Variants in SLC5A1 observed in about 807,000 individuals in gnomAD.
SLC5A1 encodes the protein sodium/glucose cotransporter 1.
A neutral mutation model predicts 73.5 loss-of-function variants in SLC5A1; 42 were observed. The observed-to-expected ratio is 0.57, with a 90% CI of 0.45 to 0.74. The LOEUF is 0.74. SLC5A1 is among the 30% of genes least tolerant of loss of function. The pLI is 0.00. For synonymous variants in SLC5A1, 300 were observed against 317.4 expected (o/e 0.95, Z 0.58); for missense variants, 634 against 855.4 (o/e 0.74, Z 3.23).
In SLC5A1 at chr22:32,091,714, C is replaced by T. The variant is rs751571109; in HGVS notation, c.1232C>T (p.Ala411Val). 1.4e-5 allele frequency: 22 copies of T among 1,613,956 alleles called. No individual in the cohort carries two copies. The highest frequency in any genetic ancestry group is 1.9e-5 in the Non-Finnish European group (22 of 1,179,990). Residue 411 changes from alanine (A) to valine (V), a missense_variant, in exon 11 of 15, where the codon GCC (alanine) becomes GTC (valine). Coordinates refer to ENST00000266088, the MANE Select transcript of SLC5A1 (RefSeq NM_000343.4). ...ACCCTCTTCACCATGGACATCTACGCCAAGGTCCGCAAGAGAGCATCTGAG... is the reference window on the plus strand; with the variant it reads ...ACCCTCTTCACCATGGACATCTACGTCAAGGTCCGCAAGAGAGCATCTGAG... ...ASTLFTMDIY[A>V]KVRKRASEKE...
At chr22:32,060,161 AC>A (rs1470621545) in intron 2 of SLC5A1, among the ~76,000 whole-genome samples, 1 of 133,718 alleles carries the variant, frequency 7.5e-6, no homozygotes, top group East Asian at 2.0e-4. Context: ...ACACACACAC[AC>A]ACACACACAC....
chr22:32,057,735 A>G (rs1008404392), intron 2 of SLC5A1, among the ~76,000 whole-genome samples: 2 of 152,218 alleles, frequency 1.3e-5, no homozygotes, highest in African/African-American at 4.8e-5. Context: ...AGCTGTAATC[A>G]TTTCCAAGGT....
intron 1 of SLC5A1, among the ~76,000 whole-genome samples, chr22:32,049,191 ATATCTATATC>A (rs1268402294): frequency 9.8e-5 from 4 of 40,898 alleles, no homozygotes; most frequent in Non-Finnish European, 4.2e-4. Context: ...ATCTATATCT[ATATCTATATC>A]TATATCTATA....
intron 5 of SLC5A1, among the ~76,000 whole-genome samples, chr22:32,075,070 C>CTTTT (rs1045791303): frequency 5.6e-5 from 6 of 107,670 alleles, no homozygotes; most frequent in African/African-American, 1.0e-4. Flanking sequence ...CTATTTTTTA[C>CTTTT]TTTTTTTTTT....
At chr22:32,063,354 A>G (rs2093966765) in intron 2 of SLC5A1, among the ~76,000 whole-genome samples, 1 of 152,232 alleles carries the variant, frequency 6.6e-6, no homozygotes, top group South Asian at 2.1e-4. Flanking sequence ...TGTGTCAGTC[A>G]CAACTGGTTC....
At chr22:32,108,014 C>T (rs905517373) in intron 14 of SLC5A1, among the ~76,000 whole-genome samples, 1 of 152,146 alleles carries the variant, frequency 6.6e-6, no homozygotes, top group Non-Finnish European at 1.5e-5. Context: ...ATGCATCATC[C>T]TCTTAAGGCA....
At chr22:32,053,127 C>T (rs1040608290) in intron 2 of SLC5A1, among the ~76,000 whole-genome samples, 10 of 152,186 alleles carry the variant, frequency 6.6e-5, no homozygotes, top group African/African-American at 2.4e-4. Context: ...TGTTTCCTCA[C>T]TCTCAGGCCA....
chr22:32,063,346 T>TGTCA (rs1283876570), intron 2 of SLC5A1, among the ~76,000 whole-genome samples: 3 of 152,296 alleles, frequency 2.0e-5, no homozygotes, highest in Admixed American at 2.0e-4. Flanking sequence ...GAATCAGCTG[T>TGTCA]GTCAGTCACA....
intron 5 of SLC5A1, among the ~76,000 whole-genome samples, chr22:32,075,177 G>T (rs2093988959): frequency 6.7e-6 from 1 of 149,892 alleles, no homozygotes; most frequent in East Asian, 2.0e-4. Flanking sequence ...CTCCCAAAGT[G>T]CTGGGATTAC....
chr22:32,066,858 TC>T, intron 2 of SLC5A1, 76 bp from the exon 3 acceptor site: 1 of 982,212 alleles, frequency 1.0e-6, no homozygotes, highest in South Asian at 1.3e-5. Flanking sequence ...GGCTGACATG[TC>T]TCCTCTCTCT....
At chr22:32,103,469 TAGTC>T (rs941565584) in intron 13 of SLC5A1, among the ~76,000 whole-genome samples, 1 of 152,238 alleles carries the variant, frequency 6.6e-6, no homozygotes, top group Non-Finnish European at 1.5e-5. Context: ...CCCATGTCTT[TAGTC>T]AGAGTCCTCA....
chr22:32,098,135 G>A (rs1394796139), intron 11 of SLC5A1, among the ~76,000 whole-genome samples: 1 of 152,186 alleles, frequency 6.6e-6, no homozygotes, highest in African/African-American at 2.4e-5. Flanking sequence ...AAATCAGTCA[G>A]GCAGTTTCTC....
At chr22:32,089,575 T>A (rs959216663) in intron 10 of SLC5A1, among the ~76,000 whole-genome samples, 4 of 152,178 alleles carry the variant, frequency 2.6e-5, no homozygotes, top group African/African-American at 9.7e-5. Flanking sequence ...TTTGAATATA[T>A]GAAAGATGGC....
chr22:32,057,072 G>T (rs1476213421), intron 2 of SLC5A1, among the ~76,000 whole-genome samples: 1 of 152,192 alleles, frequency 6.6e-6, no homozygotes, highest in Non-Finnish European at 1.5e-5. Context: ...CTGCCTCAAG[G>T]TCACATAGTT....
intron 14 of SLC5A1, among the ~76,000 whole-genome samples, chr22:32,105,741 C>A: frequency 6.6e-6 from 1 of 152,196 alleles, no homozygotes; most frequent in East Asian, 1.9e-4. Context: ...CCCCACTACC[C>A]TTCCCAGCCT....
intron 11 of SLC5A1, among the ~76,000 whole-genome samples, chr22:32,096,791 G>C (rs1287444501): frequency 2.0e-5 from 3 of 152,160 alleles, no homozygotes; most frequent in Non-Finnish European, 2.9e-5. Context: ...CAAGTCCCTG[G>C]GATGTCAGTC....
chr22:32,076,510 C>T (rs1183806030), intron 5 of SLC5A1, among the ~76,000 whole-genome samples: 1 of 152,200 alleles, frequency 6.6e-6, no homozygotes, highest in Admixed American at 6.5e-5. Flanking sequence ...TATCACAGAT[C>T]ACAGCTACAG....
intron 4 of SLC5A1, 124 bp from the exon 5 acceptor site, chr22:32,068,372 G>A: frequency 1.3e-6 from 1 of 777,454 alleles, no homozygotes; most frequent in Admixed American, 1.9e-5. Context: ...TCTCTGGCCA[G>A]CAAAAGTTAT....
chr22:32,055,832 G>A (rs1466614065), intron 2 of SLC5A1, among the ~76,000 whole-genome samples: 1 of 152,178 alleles, frequency 6.6e-6, no homozygotes, highest in Non-Finnish European at 1.5e-5. Context: ...CCCAAAGGTG[G>A]TGCTGTAAAA....
Sources: gnomAD v4.1 joint callset for allele counts (sites outside exome capture counted in the v4.1 genomes callset) on GRCh38, gnomAD v4.1.1 for gene constraint, MANE v1.5 for transcripts, NCBI Gene and HGNC (gene_info 2026-07-23, HGNC 2026-07-21) for gene names.